The following DMD variants were observed in gnomAD, a reference collection of about 807,000 sequenced individuals.
The protein encoded by DMD is mutant dystrophin.
DMD carries 63 observed loss-of-function variants against 330.1 expected under a neutral mutation model. The observed-to-expected ratio is 0.19, with a 90% CI of 0.16 to 0.24. DMD has a LOEUF of 0.24. DMD is among the 10% of genes least tolerant of loss of function. The pLI, the probability that DMD is intolerant of heterozygous loss-of-function variation, is 1.00. For missense variants in DMD, 3,344 were observed against 2,684.1 expected (o/e 1.25, Z -5.43); for synonymous variants, 1,223 against 959.8 (o/e 1.27, Z -5.07).
At chrX:32,178,947 T>G (rs1358299340) in intron 44 of DMD, among the ~76,000 whole-genome samples, 1 of 59,292 alleles carries the variant, frequency 1.7e-5, no homozygotes, top group Non-Finnish European at 3.0e-5. Flanking sequence ...AGATTCTCTC[T>G]CTCTCTCTCT....
chrX:33,162,054 T>A, intron 1 of DMD, among the ~76,000 whole-genome samples: 1 of 111,613 alleles, frequency 9.0e-6, no homozygotes, highest in East Asian at 2.8e-4. Flanking sequence ...GGGGGTAGTG[T>A]GACTAAGACA....
At chrX:33,068,222 T>A (rs1005295326) in intron 1 of DMD, among the ~76,000 whole-genome samples, 5 of 112,097 alleles carry the variant, frequency 4.5e-5, no homozygotes, top group African/African-American at 1.6e-4. Flanking sequence ...GCATTTTTAA[T>A]AAGCATTCTA....
intron 71 of DMD, among the ~76,000 whole-genome samples, chrX:31,177,561 T>TA (rs1237994876): frequency 9.0e-6 from 1 of 111,668 alleles, no homozygotes. Context: ...TAAAGAATGT[T>TA]ATTATGTAAT....
At chrX:33,022,639 A>G (rs952979986) in intron 1 of DMD, among the ~76,000 whole-genome samples, 1 of 110,991 alleles carries the variant, frequency 9.0e-6, no homozygotes, top group Non-Finnish European at 1.9e-5. Context: ...ATGTCTTCTC[A>G]ATCTGTATGT....
chrX:31,384,085 C>T (rs2060316761), intron 60 of DMD, among the ~76,000 whole-genome samples: 4 of 111,187 alleles, frequency 3.6e-5, no homozygotes, highest in Admixed American at 1.9e-4. Flanking sequence ...ATTCAAGGGT[C>T]GCGGGCACCC....
chrX:31,707,667 GAGA>G (rs2084300870), intron 52 of DMD, among the ~76,000 whole-genome samples: 1 of 111,606 alleles, frequency 9.0e-6, no homozygotes, highest in African/African-American at 3.3e-5. Context: ...CCAACAATGA[GAGA>G]AGGATATAGG....
At chrX:31,130,870 C>G (rs1017542339) in intron 77 of DMD, among the ~76,000 whole-genome samples, 9 of 112,012 alleles carry the variant, frequency 8.0e-5, no homozygotes, top group African/African-American at 2.9e-4. Context: ...GCTTACCTAT[C>G]TATATACTTT....
At chrX:31,579,307 A>C (rs926950549) in intron 55 of DMD, among the ~76,000 whole-genome samples, 4 of 112,417 alleles carry the variant, frequency 3.6e-5, no homozygotes, top group African/African-American at 1.3e-4. Flanking sequence ...AAGACATGTC[A>C]AGATTAGCAA....
chrX:32,588,134 A>T (rs1042256763), intron 13 of DMD, among the ~76,000 whole-genome samples: 2 of 112,475 alleles, frequency 1.8e-5, no homozygotes, highest in African/African-American at 6.5e-5. Flanking sequence ...TTATCTTACA[A>T]GAATTACTGA....
chrX:32,709,763 TC>T (rs1371167231), intron 7 of DMD, among the ~76,000 whole-genome samples: 1 of 111,793 alleles, frequency 8.9e-6, no homozygotes, highest in African/African-American at 3.2e-5. Context: ...CCAACCCCTT[TC>T]CCTTTATTTT....
At chrX:32,481,279 A>G (rs1214410748) in intron 21 of DMD, among the ~76,000 whole-genome samples, 1 of 111,248 alleles carries the variant, frequency 9.0e-6, no homozygotes, top group Non-Finnish European at 1.9e-5. Context: ...ATTTTTCTTT[A>G]TCTTATCACA....
intron 2 of DMD, among the ~76,000 whole-genome samples, chrX:32,993,327 G>A (rs2093029768): frequency 8.9e-6 from 1 of 111,794 alleles, no homozygotes; most frequent in South Asian, 3.7e-4. Flanking sequence ...ATAGAAGGCT[G>A]GTGCGGTCGC....
At chrX:33,144,073 T>C (rs1367605202) in intron 1 of DMD, among the ~76,000 whole-genome samples, 3 of 112,099 alleles carry the variant, frequency 2.7e-5, no homozygotes, top group Non-Finnish European at 5.6e-5. Flanking sequence ...AAAATCAAGT[T>C]TCAACTGTGG....
chrX:32,791,214 G>A (rs992495480), intron 7 of DMD, among the ~76,000 whole-genome samples: 2 of 82,390 alleles, frequency 2.4e-5, no homozygotes, highest in East Asian at 3.3e-4. Context: ...CATTCCAGAG[G>A]GTTGCCCCCC....
At chrX:33,282,340 C>T (rs2053347444) in intron 1 of DMD, among the ~76,000 whole-genome samples, 1 of 111,601 alleles carries the variant, frequency 9.0e-6, no homozygotes, top group Admixed American at 9.5e-5. Flanking sequence ...ACAGACAGTG[C>T]TTTCTGGATG....
intron 67 of DMD, among the ~76,000 whole-genome samples, chrX:31,190,750 G>C (rs2042263444): frequency 1.8e-5 from 2 of 109,642 alleles, no homozygotes; most frequent in African/African-American, 6.6e-5. Flanking sequence ...GTAGCACCAA[G>C]GTTGAGAAAC....
intron 18 of DMD, among the ~76,000 whole-genome samples, chrX:32,510,901 A>C (rs1230054130): frequency 9.0e-6 from 1 of 110,584 alleles, no homozygotes; most frequent in African/African-American, 3.3e-5. Context: ...ACCATATACA[A>C]TCCATGAGTC....
rs181177874 is a variant in DMD, at chrX:31,667,574, T to A, written c.7873-9430A>T. Among the ~76,000 whole-genome samples the A allele has an allele frequency of 2.3e-3, 258 of 110,337 alleles. 1 individual carries two copies. Among genetic ancestry groups the A allele is most frequent in the African/African-American group, 8.0e-3 (243 of 30,398 alleles). On this transcript the variant is annotated intron_variant, in intron 53 of 78. Coordinates refer to ENST00000357033, the MANE Select transcript of DMD (RefSeq NM_004006.3). ...TGAAATTTATAATACAAAAATATAG[T>A]TTGATAGAATGAATAAGATCTAGTA...
intron 7 of DMD, among the ~76,000 whole-genome samples, chrX:32,761,048 G>A (rs1247792413): frequency 9.0e-6 from 1 of 111,471 alleles, no homozygotes; most frequent in Non-Finnish European, 1.9e-5. Flanking sequence ...TCAAGTGATT[G>A]CAATGCCTTT....
Sources: gnomAD v4.1 joint callset for allele counts (sites outside exome capture counted in the v4.1 genomes callset) on GRCh38, gnomAD v4.1.1 for gene constraint, MANE v1.5 for transcripts, NCBI Gene and HGNC (gene_info 2026-07-23, HGNC 2026-07-21) for gene names.